Variants in DCC observed in about 807,000 individuals in gnomAD.
The protein encoded by DCC is DCC netrin 1 receptor, also known as netrin receptor DCC.
DCC carries 58 observed loss-of-function variants against 172.5 expected under a neutral mutation model. The observed-to-expected ratio is 0.34, with a 90% CI of 0.27 to 0.42. The LOEUF is 0.42. Ranked by LOEUF, DCC falls within the 10% of genes least tolerant of loss-of-function variation. The pLI is 1.00. For synonymous variants in DCC, 709 were observed against 644.5 expected (o/e 1.10, Z -1.52); for missense variants, 1,740 against 1,791.0 (o/e 0.97, Z 0.51).
chr18:53,127,027 T>C (rs1405739626), intron 7 of DCC, among the ~76,000 whole-genome samples: 1 of 152,014 alleles, frequency 6.6e-6, no homozygotes, highest in Non-Finnish European at 1.5e-5. Context: ...TGTAGGTGCA[T>C]CTCTTTCAGA....
chr18:52,964,125 G>C (rs2040890536), intron 5 of DCC, among the ~76,000 whole-genome samples: 1 of 152,100 alleles, frequency 6.6e-6, no homozygotes, highest in Non-Finnish European at 1.5e-5. Flanking sequence ...AGAATAAATA[G>C]CTAGTTTCAT....
Position 52,752,138 on chromosome 18 carries a change from T to A in DCC, c.176T>A (p.Leu59His). Residue 59 changes from leucine (L) to histidine (H), a missense_variant, in exon 2 of 29, where the codon CTC becomes CAC. By Grantham distance (99) the Leu-to-His change is moderately conservative. This residue lies in a region of DCC where 1,732 missense variants were observed against 1,767.4 expected (regional missense o/e 0.98). Coordinates refer to ENST00000442544, the MANE Select transcript of DCC (RefSeq NM_005215.4). ...AVTMRGGNVL[L>H]DCSAESDRGV... ...ACAATGCGGGGAGGAAATGTCCTCCTCGACTGCTCCGCGGAGTCCGACCGA... is the reference window on the plus strand; with the variant it reads ...ACAATGCGGGGAGGAAATGTCCTCCACGACTGCTCCGCGGAGTCCGACCGA... 6.2e-7 allele frequency: 1 copy of A among 1,614,142 alleles called. No individual in the cohort carries two copies. Among genetic ancestry groups the A allele is most frequent in the Non-Finnish European group, 8.5e-7 (1 of 1,179,994 alleles).
intron 12 of DCC, among the ~76,000 whole-genome samples, chr18:53,259,043 T>C (rs1197963535): frequency 6.6e-6 from 1 of 152,198 alleles, no homozygotes; most frequent in Non-Finnish European, 1.5e-5. Flanking sequence ...CCTGCCTTTT[T>C]TTTGTTTTCC....
In DCC at chr18:52,596,391, C is replaced by G. The variant is rs74803362; in HGVS notation, c.92-155663C>G. On this transcript the variant is annotated intron_variant, in intron 1 of 28. Coordinates refer to ENST00000442544, the MANE Select transcript of DCC (RefSeq NM_005215.4). Reference sequence around the variant, plus strand: ...ACAGTGGTCTCAGAGCACAGTGAATCTACAGAAATCTTAGAGATCATTTAA... The same window carrying G: ...ACAGTGGTCTCAGAGCACAGTGAATGTACAGAAATCTTAGAGATCATTTAA... Among the ~76,000 whole-genome samples, 1,267 of 152,310 alleles carry G rather than the reference C, an allele frequency of 8.3e-3. 15 individuals carry two copies. Among genetic ancestry groups the G allele is most frequent in the African/African-American group, 0.028 (1,147 of 41,572 alleles).
chr18:53,284,449 G>T (rs1311585046), intron 12 of DCC, among the ~76,000 whole-genome samples: 1 of 152,054 alleles, frequency 6.6e-6, no homozygotes, highest in African/African-American at 2.4e-5. Flanking sequence ...TAAAAATGGG[G>T]GTTTCCCTGC....
intron 2 of DCC, among the ~76,000 whole-genome samples, chr18:52,818,851 C>T (rs1477416099): frequency 6.6e-6 from 1 of 152,182 alleles, no homozygotes; most frequent in Non-Finnish European, 1.5e-5. Flanking sequence ...ACCTCCATGA[C>T]AGTGGCTAGT....
chr18:53,175,672 C>A lies in DCC; in HGVS notation c.1419-3290C>A, dbSNP rs1309307023. On this transcript the variant is annotated intron_variant, in intron 8 of 28. Transcript: ENST00000442544. ...ACTACAAACCACTGCTCAATGAAAT[C>A]AAAGAGGATACAAACAAATGGAAGA... 3.2e-3 allele frequency among the ~76,000 whole-genome samples: 475 copies of A among 146,284 alleles called. 3 individuals carry two copies. The highest frequency in any genetic ancestry group is 0.011 in the African/African-American group (441 of 40,074).
At chr18:53,404,733 A>G (rs1909549549) in intron 19 of DCC, among the ~76,000 whole-genome samples, 1 of 91,592 alleles carries the variant, frequency 1.1e-5, no homozygotes, top group Non-Finnish European at 3.1e-5. Context: ...TCCGTCTCAA[A>G]AATAAAAAAA....
At chr18:52,699,561 G>A (rs183966324) in intron 1 of DCC, among the ~76,000 whole-genome samples, 45 of 152,300 alleles carry the variant, frequency 3.0e-4, no homozygotes, top group Admixed American at 7.8e-4. Flanking sequence ...AATATGACCA[G>A]TTCAAGGGAA....
intron 2 of DCC, among the ~76,000 whole-genome samples, chr18:52,792,495 C>G (rs35798574): frequency 8.7e-4 from 133 of 152,272 alleles, no homozygotes; most frequent in African/African-American, 3.2e-3. Flanking sequence ...GCCAGAAGTT[C>G]TCAGTTGCCC....
intron 24 of DCC, among the ~76,000 whole-genome samples, chr18:53,463,017 T>C (rs2045578573): frequency 6.6e-6 from 1 of 152,248 alleles, no homozygotes; most frequent in South Asian, 2.1e-4. Flanking sequence ...GCCCACTGCC[T>C]AAACAGGCTT....
At chr18:52,684,729 A>T (rs968806469) in intron 1 of DCC, among the ~76,000 whole-genome samples, 1 of 126,238 alleles carries the variant, frequency 7.9e-6, no homozygotes, top group African/African-American at 3.2e-5. Context: ...CATAGTTTCC[A>T]AAACACTTAA....
At chr18:52,561,954 T>C (rs760966459) in intron 1 of DCC, among the ~76,000 whole-genome samples, 2 of 152,214 alleles carry the variant, frequency 1.3e-5, no homozygotes, top group Non-Finnish European at 2.9e-5. Context: ...CCAATTTTAT[T>C]ATTTCACAAG....
At position 52,996,042 on chromosome 18, in the gene DCC, T is replaced by A. The variant is rs145369113; in HGVS notation, c.986-67263T>A. On this transcript the variant is annotated intron_variant, in intron 5 of 28. Transcript: ENST00000442544. ...TACCTTTGACACCATTCAGAAGCGT[T>A]TCCATATTTGTCATCATGTTAAATG... 1.5e-4 allele frequency among the ~76,000 whole-genome samples: 23 copies of A among 152,122 alleles called. No homozygotes were observed. The East Asian group carries it at 4.3e-3, about 28-fold the overall frequency.
At chr18:52,938,721 G>A (rs918523928) in intron 5 of DCC, among the ~76,000 whole-genome samples, 12 of 151,978 alleles carry the variant, frequency 7.9e-5, no homozygotes, top group Admixed American at 4.6e-4. Flanking sequence ...AATGAATATG[G>A]CCTCAGTGTT....
Position 53,530,731 on chromosome 18 carries a change from G to A in DCC, c.*78G>A. ...AATTACCCATAAACAGCACACCTGTGTCCAAGAACTCTAACCAGTGTACAG... is the reference window on the plus strand; with the variant it reads ...AATTACCCATAAACAGCACACCTGTATCCAAGAACTCTAACCAGTGTACAG... On this transcript the variant is annotated 3_prime_UTR_variant, in exon 29 of 29. Coordinates refer to ENST00000442544, the MANE Select transcript of DCC (RefSeq NM_005215.4). The A allele has an allele frequency of 2.4e-6, 2 of 818,368 alleles. No individual in the cohort carries two copies. Among genetic ancestry groups the A allele is most frequent in the Non-Finnish European group, 4.4e-6 (2 of 454,870 alleles). 50.7% of individuals were successfully genotyped at this position (818,368 alleles called of 1,614,324 possible). A position where few individuals can be genotyped will look rare whatever the true frequency, so the allele number is the denominator to read the frequency against.
chr18:53,372,250 A>C (rs1250734022), intron 15 of DCC, among the ~76,000 whole-genome samples: 1 of 152,178 alleles, frequency 6.6e-6, no homozygotes, highest in Non-Finnish European at 1.5e-5. Flanking sequence ...GATAAAGAAA[A>C]TGTGGTACAT....
At chr18:53,452,802 C>G (rs757116307) in intron 23 of DCC, among the ~76,000 whole-genome samples, 1 of 152,144 alleles carries the variant, frequency 6.6e-6, no homozygotes, top group Non-Finnish European at 1.5e-5. Flanking sequence ...GACCCGTTGG[C>G]ATTCATTTTT....
chr18:53,224,003 A>G (rs563694499), intron 12 of DCC, among the ~76,000 whole-genome samples: 2 of 152,200 alleles, frequency 1.3e-5, no homozygotes, highest in South Asian at 2.1e-4. Flanking sequence ...TGAAATACCA[A>G]TTTTGAACTG....
Sources: allele counts gnomAD v4.1 joint callset (sites outside exome capture counted in the v4.1 genomes callset), GRCh38; gene constraint gnomAD v4.1.1; regional missense constraint gnomAD v4.1.1; transcripts MANE v1.5; gene names NCBI Gene and HGNC (gene_info 2026-07-23, HGNC 2026-07-21).